ZSCAN23: variants seen among roughly 807,000 people sequenced by gnomAD.
ZSCAN23 encodes the protein zinc finger and SCAN domain-containing protein 23.
In ZSCAN23, 19 loss-of-function variants were observed where a neutral mutation model predicts 19.3. The observed-to-expected ratio is 0.99, with a 90% CI of 0.69 to 1.45. ZSCAN23 has a LOEUF of 1.45. Among genes scored for constraint, ZSCAN23 ranks in the 40% most tolerant of loss-of-function variants. The probability of loss-of-function intolerance (pLI) is 0.00; values close to 1 mark genes in which losing one functional copy is unlikely to be tolerated. For synonymous variants in ZSCAN23, 140 were observed against 166.2 expected, an observed-to-expected ratio of 0.84 and a Z score of 1.21; for missense variants, 372 against 462.5, an observed-to-expected ratio of 0.80 and a Z score of 1.79.
chr6:28,442,594 A>C (rs1296626141), intron 1 of ZSCAN23, among the ~76,000 whole-genome samples: 1 of 152,248 alleles, frequency 6.6e-6, no homozygotes, highest in Non-Finnish European at 1.5e-5. Context: ...CTACTGAGGT[A>C]CAAAAGAAGG....
At chr6:28,425,502 A>AT in the ZSCAN23 span, among the ~76,000 whole-genome samples, 2 of 151,994 alleles carry the variant, frequency 1.3e-5, no homozygotes, top group Middle Eastern at 3.4e-3. Flanking sequence ...TAATTTTTGT[A>AT]TTTTTTTGTA....
At chr6:28,441,613 T>C (rs1009509138) in intron 1 of ZSCAN23, among the ~76,000 whole-genome samples, 5 of 152,076 alleles carry the variant, frequency 3.3e-5, no homozygotes, top group African/African-American at 4.8e-5. Context: ...ACAATTTATC[T>C]TGTACCATTA....
At chr6:28,426,539 A>C in the ZSCAN23 span, among the ~76,000 whole-genome samples, 2 of 150,062 alleles carry the variant, frequency 1.3e-5, no homozygotes, top group Non-Finnish European at 1.5e-5. Context: ...TACATCAAAG[A>C]TCACTGATCA....
chr6:28,424,028 A>G, the ZSCAN23 span, among the ~76,000 whole-genome samples: 4 of 152,262 alleles, frequency 2.6e-5, no homozygotes, highest in African/African-American at 9.6e-5. Context: ...CAATAGGTGC[A>G]AAAAGTAATG....
chr6:28,428,434 A>AAT (rs1183167207), downstream of ZSCAN23, among the ~76,000 whole-genome samples: 5 of 152,354 alleles, frequency 3.3e-5, no homozygotes, highest in African/African-American at 1.2e-4. Context: ...TTATTTAAAG[A>AAT]ATACACTTAG....
intron 1 of ZSCAN23, among the ~76,000 whole-genome samples, chr6:28,442,097 G>A (rs569855946): frequency 4.9e-4 from 75 of 151,902 alleles, no homozygotes; most frequent in Non-Finnish European, 1.5e-4. Context: ...GGCTGGTCTC[G>A]AACTCCCGAC....
rs766359029 is a variant in ZSCAN23, at chr6:28,435,988, C to T, written c.279G>A (p.Leu93=). 1.9e-6 allele frequency: 3 copies of T among 1,614,098 alleles called. No homozygotes were observed. The highest frequency in any genetic ancestry group is 3.3e-5 in the Admixed American group (2 of 60,000). Residue 93 remains leucine (L), a synonymous_variant, in exon 2 of 4, where the codon CTG becomes CTA. Transcript: ENST00000289788. The stretch of plus-strand genomic sequence containing the variant: ...CAGGCAGGATAGTCAGGAACTGCTC[C>T]AGCACCAGCAGCTCTAGGATCTGCT... The part of the protein sequence containing the change: ...TKEQILELLV[L]EQFLTILPEE...
At chr6:28,437,763 T>C (rs1761922892) in intron 1 of ZSCAN23, among the ~76,000 whole-genome samples, 1 of 152,216 alleles carries the variant, frequency 6.6e-6, no homozygotes, top group South Asian at 2.1e-4. Context: ...TTTTATATTA[T>C]AACCCAGAAC....
intron 1 of ZSCAN23, among the ~76,000 whole-genome samples, chr6:28,442,869 A>G (rs1029494559): frequency 6.6e-6 from 1 of 152,196 alleles, no homozygotes. Context: ...TATCTCATAG[A>G]GTTATGAGAA....
At chr6:28,439,725 AT>A (rs1214522849) in intron 1 of ZSCAN23, among the ~76,000 whole-genome samples, 10 of 152,332 alleles carry the variant, frequency 6.6e-5, no homozygotes, top group African/African-American at 2.4e-4. Flanking sequence ...ATAAGGTGCT[AT>A]TATTACCCCC....
At chr6:28,426,410 G>A in the ZSCAN23 span, among the ~76,000 whole-genome samples, 1 of 152,280 alleles carries the variant, frequency 6.6e-6, no homozygotes, top group African/African-American at 2.4e-5. Flanking sequence ...GGAGGCCTGA[G>A]GAGAGAGAAA....
At chr6:28,439,057 T>A (rs902501634) in intron 1 of ZSCAN23, among the ~76,000 whole-genome samples, 1 of 152,106 alleles carries the variant, frequency 6.6e-6, no homozygotes, top group Non-Finnish European at 1.5e-5. Flanking sequence ...TACAGAGGAT[T>A]TTTTTCCTCT....
At chr6:28,428,806 G>A (rs1761701495), downstream of ZSCAN23, among the ~76,000 whole-genome samples, 1 of 152,146 alleles carries the variant, frequency 6.6e-6, no homozygotes, top group South Asian at 2.1e-4. Context: ...ATGGCTTATA[G>A]GAGTACCACC....
At position 28,435,481 on chromosome 6, in the gene ZSCAN23, C is replaced by T; in HGVS notation, c.535G>A (p.Val179Met). 1 of 1,551,956 alleles carries T rather than the reference C, an allele frequency of 6.4e-7. No individual in the cohort carries two copies. The highest frequency in any genetic ancestry group is 8.7e-7 in the Non-Finnish European group (1 of 1,147,040). The change falls in exon 3 of 4, where the codon GTG (valine) becomes ATG (methionine). Residue 179 changes from valine (V) to methionine (M), a missense_variant. Transcript: ENST00000289788. ...EEQLGYNLRE[V>M]CPVQEIDGKA... ...TCACCAATCTCTTGAACTGGGCACA[C>T]CTCTCGCAAATTATACCCAAGTTGC...
In ZSCAN23 at chr6:28,435,862, C is replaced by T; in HGVS notation, c.405G>A (p.Glu135=). ...DLERELDDPG[E]QVLSHAHEQE... The stretch of plus-strand genomic sequence containing the variant: ...CCCTGTTCTCCCATCTTCTCACCTG[C>T]TCTCCTGGGTCATCCAGCTCTCTCT... Residue 135 remains glutamate, a synonymous_variant, in exon 2 of 4, where the codon GAG becomes GAA. Coordinates refer to ENST00000289788, the MANE Select transcript of ZSCAN23 (RefSeq NM_001012455.2). The T allele has an allele frequency of 1.3e-6, 2 of 1,578,956 alleles. No individual in the cohort carries two copies. The highest frequency in any genetic ancestry group is 1.7e-6 in the Non-Finnish European group (2 of 1,165,400).
intron 1 of ZSCAN23, among the ~76,000 whole-genome samples, chr6:28,439,251 T>C (rs1761955330): frequency 6.6e-6 from 1 of 152,052 alleles, no homozygotes; most frequent in Non-Finnish European, 1.5e-5. Flanking sequence ...CATGCCTAGC[T>C]AATTTTTGTA....
rs1453309385 is a variant in ZSCAN23 at position 28,434,467 on chromosome 6, A to G, written c.1168T>C (p.Ter390GlnextTer8). 6.5e-7 allele frequency: 1 copy of G among 1,538,988 alleles called. No homozygotes were observed. Among genetic ancestry groups the G allele is most frequent in the Non-Finnish European group, 8.8e-7 (1 of 1,139,532 alleles). The part of the protein sequence containing the change: ...RKVHPVAESS[*>Q] Reference sequence around the variant, plus strand: ...TATCCCCTACCTGTTCCAAGGAGCTAGCTTGATTCAGCCACTGGGTGGACT... The same window carrying G: ...TATCCCCTACCTGTTCCAAGGAGCTGGCTTGATTCAGCCACTGGGTGGACT... The change falls in exon 4 of 4, where the codon TAG becomes CAG. Residue 390 changes from the stop codon to glutamine, a stop_lost. Coordinates refer to ENST00000289788, the MANE Select transcript of ZSCAN23 (RefSeq NM_001012455.2).
At chr6:28,429,137 G>T (rs1761708072), downstream of ZSCAN23, among the ~76,000 whole-genome samples, 2 of 152,000 alleles carry the variant, frequency 1.3e-5, no homozygotes, top group Admixed American at 6.6e-5. Flanking sequence ...CTCTGCTATT[G>T]CCTACTCAGG....
chr6:28,438,057 G>A (rs1055408734), intron 1 of ZSCAN23, among the ~76,000 whole-genome samples: 2 of 151,904 alleles, frequency 1.3e-5, no homozygotes, highest in African/African-American at 4.8e-5. Flanking sequence ...GTAATCCATT[G>A]CAAAAATAAC....
Sources: allele counts gnomAD v4.1 joint callset (sites outside exome capture counted in the v4.1 genomes callset), GRCh38; gene constraint gnomAD v4.1.1; transcripts MANE v1.5; gene names NCBI Gene and HGNC (gene_info 2026-07-23, HGNC 2026-07-21).